ZBTB16: variants seen among roughly 807,000 people sequenced by gnomAD.
ZBTB16 encodes zinc finger and BTB domain-containing protein 16.
A neutral mutation model predicts 56.8 loss-of-function variants in ZBTB16; 8 were observed. The observed-to-expected ratio is 0.14, with a 90% confidence interval of 0.08 to 0.25. The LOEUF (loss-of-function observed/expected upper bound fraction) is 0.25. ZBTB16 is among the 10% of genes least tolerant of loss of function. The probability of loss-of-function intolerance (pLI) is 1.00; values close to 1 mark genes in which losing one functional copy is unlikely to be tolerated. For missense variants in ZBTB16, 625 were observed against 903.0 expected, an observed-to-expected ratio of 0.69 and a Z score of 3.95; for synonymous variants, 363 against 368.5, an observed-to-expected ratio of 0.98 and a Z score of 0.17.
chr11:114,190,252 G>C (rs621388), intron 4 of ZBTB16, among the ~76,000 whole-genome samples: 88,677 of 152,006 alleles, frequency 0.58, 26,338 homozygotes, highest in African/African-American at 0.67. Flanking sequence ...TGACTGCACA[G>C]CTTCGAATAC....
Position 114,111,155 on chromosome 11 carries a change from G to A in ZBTB16, c.1269-45182G>A, listed in dbSNP as rs182939382. 4.5e-4 allele frequency among the ~76,000 whole-genome samples: 58 copies of A among 129,056 alleles called. No individual in the cohort carries two copies. In the East Asian group the frequency reaches 0.011, roughly 25 times the overall value. The allele number at this position is 129,056 out of a possible 152,430, so 84.7% of individuals were successfully genotyped here. A position where few individuals can be genotyped will look rare whatever the true frequency, so the allele number is the denominator to read the frequency against. On this transcript the variant is annotated intron_variant, in intron 2 of 6. Coordinates refer to ENST00000335953, the MANE Select transcript of ZBTB16 (RefSeq NM_006006.6). ...TACTTTTGGCTTAGAGATCTGTGCT[G>A]CGTGTGTGTGTGTGTGTGTGTGTGT...
intron 4 of ZBTB16, among the ~76,000 whole-genome samples, chr11:114,208,519 G>T (rs1943934163): frequency 6.6e-6 from 1 of 152,134 alleles, no homozygotes; most frequent in South Asian, 2.1e-4. Context: ...AAGCAGTAAA[G>T]CATGATTCAG....
At chr11:114,237,826 A>AT (rs1192419475) in intron 4 of ZBTB16, among the ~76,000 whole-genome samples, 1 of 151,976 alleles carries the variant, frequency 6.6e-6, no homozygotes, top group African/African-American at 2.4e-5. Context: ...CCACTTTTCC[A>AT]TTTTTTTAAA....
chr11:114,113,456 G>A (rs572129302), intron 2 of ZBTB16, among the ~76,000 whole-genome samples: 69 of 152,292 alleles, frequency 4.5e-4, no homozygotes, highest in South Asian at 1.7e-3. Context: ...AGCTGGTAGC[G>A]TTGATTTCAG....
intron 4 of ZBTB16, among the ~76,000 whole-genome samples, chr11:114,233,125 A>ACACACT (rs1443230792): frequency 7.9e-4 from 43 of 54,768 alleles, no homozygotes; most frequent in African/African-American, 2.0e-3. Context: ...ACACACACAC[A>ACACACT]CTCTCTCTCT....
chr11:114,187,035 A>T lies in ZBTB16; in HGVS notation c.1450A>T (p.Thr484Ser). The change falls in exon 4 of 7, where the codon ACT becomes TCT. Residue 484 changes from threonine to serine, a missense_variant. By Grantham distance (58) the Thr-to-Ser change is moderately conservative. Transcript: ENST00000335953. ...DALETHRQTH[T>S]GTDMAVFCLL... is the part of the protein sequence containing the mutation. ...CCTGGAGACACACAGGCAGACCCAT[A>T]CTGGTGAGTTGACTTGGATTCCTGT... is the stretch of plus-strand genomic sequence containing the variant. The T allele has an allele frequency of 6.2e-7, 1 of 1,613,988 alleles. No homozygotes were observed. Among genetic ancestry groups the T allele is most frequent in the Non-Finnish European group, 8.5e-7 (1 of 1,179,934 alleles).
intron 2 of ZBTB16, among the ~76,000 whole-genome samples, chr11:114,147,211 C>T (rs1942130610): frequency 6.6e-6 from 1 of 152,098 alleles, no homozygotes; most frequent in Admixed American, 6.5e-5. Flanking sequence ...TTTAATAAAC[C>T]TCAGTTATTC....
intron 4 of ZBTB16, among the ~76,000 whole-genome samples, chr11:114,215,099 G>T (rs928466347): frequency 2.0e-5 from 3 of 151,928 alleles, no homozygotes; most frequent in Non-Finnish European, 4.4e-5. Context: ...GCACCAAAAC[G>T]CTGAAAAGAA....
chr11:114,127,829 C>A (rs1042488568), intron 2 of ZBTB16, among the ~76,000 whole-genome samples: 2 of 152,116 alleles, frequency 1.3e-5, no homozygotes, highest in African/African-American at 4.8e-5. Context: ...CTCCACAGTC[C>A]GGGAGAGGAG....
At chr11:114,177,314 G>A (rs1056799735) in intron 3 of ZBTB16, among the ~76,000 whole-genome samples, 6 of 152,232 alleles carry the variant, frequency 3.9e-5, no homozygotes, top group South Asian at 2.1e-4. Flanking sequence ...GCAGTGGTGC[G>A]ATCTCGGCTC....
intron 3 of ZBTB16, among the ~76,000 whole-genome samples, chr11:114,169,603 T>C (rs661374): frequency 0.65 from 98,920 of 152,006 alleles, 33,733 homozygotes; most frequent in African/African-American, 0.86. Context: ...CTTGGCAGGG[T>C]GGACAGAGGG....
At chr11:114,226,904 C>G (rs1013168817) in intron 4 of ZBTB16, among the ~76,000 whole-genome samples, 1 of 152,158 alleles carries the variant, frequency 6.6e-6, no homozygotes, top group African/African-American at 2.4e-5. Context: ...ATATTCCTCT[C>G]TCTCCCTCCC....
chr11:114,068,484 C>T (rs745581566), intron 2 of ZBTB16, among the ~76,000 whole-genome samples: 11 of 152,108 alleles, frequency 7.2e-5, no homozygotes, highest in African/African-American at 1.4e-4. Context: ...GCAGGAATGA[C>T]GTGCTGTAAA....
intron 3 of ZBTB16, among the ~76,000 whole-genome samples, chr11:114,168,349 C>T (rs1170527036): frequency 6.6e-6 from 1 of 152,184 alleles, no homozygotes; most frequent in Non-Finnish European, 1.5e-5. Context: ...GTTGCATCCT[C>T]ACAGCGGGAC....
intron 2 of ZBTB16, among the ~76,000 whole-genome samples, chr11:114,125,788 T>C (rs1941492610): frequency 6.6e-6 from 1 of 152,124 alleles, no homozygotes; most frequent in South Asian, 2.1e-4. Flanking sequence ...ACCTTTTTCG[T>C]TTCAGACAGC....
intron 4 of ZBTB16, among the ~76,000 whole-genome samples, chr11:114,221,937 G>C (rs1345701202): frequency 6.6e-6 from 1 of 152,196 alleles, no homozygotes; most frequent in Non-Finnish European, 1.5e-5. Flanking sequence ...GAGGAATAAA[G>C]GATGGGTACG....
At chr11:114,219,190 G>A (rs1230054000) in intron 4 of ZBTB16, among the ~76,000 whole-genome samples, 2 of 152,198 alleles carry the variant, frequency 1.3e-5, no homozygotes, top group Non-Finnish European at 2.9e-5. Context: ...AACCAGGGTA[G>A]GGAAGGAAGA....
chr11:114,195,653 C>T (rs984626399), intron 4 of ZBTB16, among the ~76,000 whole-genome samples: 85 of 152,286 alleles, frequency 5.6e-4, no homozygotes, highest in Non-Finnish European at 1.8e-4. Context: ...AACTTGGGAT[C>T]TGGTGTCAGA....
At position 114,063,163 on chromosome 11, in the gene ZBTB16, CTT is replaced by C; in HGVS notation, c.-90-45_-90-44del. The C allele has an allele frequency of 1.0e-6, 1 of 958,762 alleles. No homozygotes were observed. The highest frequency in any genetic ancestry group is 1.6e-5 in the African/African-American group (1 of 61,382). 59.4% of individuals were successfully genotyped at this position (958,762 alleles called of 1,614,324 possible). On this transcript the variant is annotated intron_variant, in intron 1 of 6. Transcript: ENST00000335953. This position sits in a 1 kb window ranked among gnomAD's most constrained non-coding sequence, Gnocchi z 6.5. ...CTTTTAGGGACACTGATGAATTTGT[CTT>C]TTGTTCTCTCATCTCTTTTGCTTCT...
Sources: allele counts gnomAD v4.1 joint callset (sites outside exome capture counted in the v4.1 genomes callset), GRCh38; gene constraint gnomAD v4.1.1; non-coding constraint Gnocchi (gnomAD v3.1); transcripts MANE v1.5; gene names NCBI Gene and HGNC (gene_info 2026-07-23, HGNC 2026-07-21).